Variants in MFN2 observed in about 807,000 individuals in gnomAD.
The protein encoded by MFN2 is mitofusin-2.
MFN2 carries 43 observed loss-of-function variants against 87.5 expected under a neutral mutation model. That is an observed-to-expected ratio of 0.49 (90% CI 0.38 to 0.63). The LOEUF is 0.63. Among genes scored for constraint, MFN2 ranks in the 30% least tolerant of loss-of-function variants. The pLI is 0.00. For missense variants in MFN2, 743 were observed against 972.8 expected (o/e 0.76, Z 3.14); for synonymous variants, 337 against 359.9 (o/e 0.94, Z 0.72).
At chr1:11,991,155 GT>G (rs955171472) in intron 3 of MFN2, among the ~76,000 whole-genome samples, 1 of 152,240 alleles carries the variant, frequency 6.6e-6, no homozygotes, top group Non-Finnish European at 1.5e-5. Flanking sequence ...CCATCTGCCT[GT>G]TAAGGGCACT....
At chr1:11,981,817 C>T (rs1645989927) in intron 1 of MFN2, 153 bp from the exon 2 acceptor site, 1 of 152,240 alleles carries the variant, frequency 6.6e-6, no homozygotes, top group Non-Finnish European at 1.5e-5. Flanking sequence ...CAGGGCACTT[C>T]CTCACATGCC....
intron 3 of MFN2, among the ~76,000 whole-genome samples, chr1:11,991,586 C>T (rs1301601266): frequency 6.6e-6 from 1 of 152,048 alleles, no homozygotes; most frequent in East Asian, 1.9e-4. Context: ...CGTGAGGCAG[C>T]GGGTGGCAAG....
chr1:12,004,605 T>C lies in MFN2; in HGVS notation c.1384T>C (p.Tyr462His). 2 of 1,613,986 alleles carry C rather than the reference T, an allele frequency of 1.2e-6. No individual in the cohort carries two copies. Among genetic ancestry groups the C allele is most frequent in the Non-Finnish European group, 1.7e-6 (2 of 1,179,878 alleles). The change falls in exon 13 of 19, where the codon TAT (tyrosine) becomes CAT (histidine). Residue 462 changes from tyrosine (Y) to histidine (H), a missense_variant. Tyr to His is a moderately conservative substitution (Grantham distance 83, BLOSUM62 2). Transcript: ENST00000235329. This position sits in a 1 kb window ranked among gnomAD's most constrained non-coding sequence, Gnocchi z 4.2. The stretch of plus-strand genomic sequence containing the variant: ...CCCTTCTCCAGTAGTCCTCAAGGTT[T>C]ATAAGAATGTGAGTCATGGAGCAAC... ...FHPSPVVLKV[Y>H]KNELHRHIEE...
intron 3 of MFN2, 64 bp from the exon 4 acceptor site, chr1:11,992,491 C>T (rs958533870): frequency 1.4e-4 from 218 of 1,609,646 alleles, no homozygotes; most frequent in Non-Finnish European, 1.8e-4. Flanking sequence ...TCTGGCCCTT[C>T]CAGACTTGGG....
At chr1:12,009,192 AAG>A (rs1453562006) in intron 17 of MFN2, among the ~76,000 whole-genome samples, 3 of 152,026 alleles carry the variant, frequency 2.0e-5, no homozygotes, top group East Asian at 1.9e-4. Context: ...AGACCGTGGA[AAG>A]AGAGGGAGAG....
chr1:11,995,642 TAAA>T (rs796776648), intron 4 of MFN2, among the ~76,000 whole-genome samples: 2 of 141,518 alleles, frequency 1.4e-5, no homozygotes, highest in African/African-American at 5.2e-5. Context: ...CAAATAACAA[TAAA>T]AAAAAAAAGA....
chr1:12,012,664 C>T lies in MFN2; in HGVS notation c.*1099C>T, dbSNP rs1337146882. 1 of 152,308 alleles carries T rather than the reference C, an allele frequency of 6.6e-6. No homozygotes were observed. The highest frequency in any genetic ancestry group is 1.5e-5 in the Non-Finnish European group (1 of 68,140). The allele number at this position is 152,308 out of a possible 1,614,324, so 9.4% of individuals were successfully genotyped here. A position where few individuals can be genotyped will look rare whatever the true frequency, so the allele number is the denominator to read the frequency against. ...CCAGTGACTGCAGTTGGCCAAGGGA[C>T]AATGTGGAAAACCCAGTGTCCATCT... On this transcript the variant is annotated 3_prime_UTR_variant, in exon 19 of 19. Transcript: ENST00000235329.
At position 12,004,384 on chromosome 1, in the gene MFN2, A is replaced by G. The variant is rs1639309755; in HGVS notation, c.1288-125A>G. The G allele has an allele frequency of 2.1e-6, 2 of 970,526 alleles. No individual in the cohort carries two copies. Among genetic ancestry groups the G allele is most frequent in the Admixed American group, 1.7e-5 (1 of 58,820 alleles). The allele number at this position is 970,526 out of a possible 1,614,324, so 60.1% of individuals were successfully genotyped here. A position where few individuals can be genotyped will look rare whatever the true frequency, so the allele number is the denominator to read the frequency against. On this transcript the variant is annotated intron_variant, in intron 12 of 18. Transcript: ENST00000235329. This position sits in a 1 kb window ranked among gnomAD's most constrained non-coding sequence, Gnocchi z 4.2. ...CTCACTTCAGAGGCTTTAATTCCAT[A>G]GAGGAGCTGAGGAGGCTGCTGGTTT...
chr1:12,001,680 T>A, intron 9 of MFN2, 89 bp from the exon 10 acceptor site: 1 of 1,596,944 alleles, frequency 6.3e-7, no homozygotes. Flanking sequence ...AGGCTCTTGC[T>A]CTTTAGCCAG....
Position 11,999,033 on chromosome 1 carries a change from A to G in MFN2, c.754A>G (p.Asn252Asp). ...GGTGAGTGAGCGTCTCTCCCGGCCA[A>G]ACATCTTCATCCTGAACAACCGCTG... ...HKVSERLSRPNIFILNNRWDA... is the reference protein window; with the variant it reads ...HKVSERLSRPDIFILNNRWDA... The change falls in exon 8 of 19, where the codon AAC (asparagine) becomes GAC (aspartate). Residue 252 changes from asparagine to aspartate, a missense_variant. Around this residue, in one of 3 missense-constraint regions of MFN2, gnomAD observed 571 missense variants for 670.7 expected, o/e 0.85. Transcript: ENST00000235329. 3 of 1,614,142 alleles carry G rather than the reference A, an allele frequency of 1.9e-6. No individual in the cohort carries two copies. Among genetic ancestry groups the G allele is most frequent in the East Asian group, 4.5e-5 (2 of 44,884 alleles).
At chr1:12,010,215 G>A in intron 18 of MFN2, among the ~76,000 whole-genome samples, 2 of 152,188 alleles carry the variant, frequency 1.3e-5, no homozygotes, top group East Asian at 3.9e-4. Context: ...GGTGCTGGAG[G>A]CTCAACAAGA....
At position 12,007,085 on chromosome 1, in the gene MFN2, C is replaced by T. The variant is rs1439368528; in HGVS notation, c.1905C>T (p.Ala635=). 2 of 1,613,938 alleles carry T rather than the reference C, an allele frequency of 1.2e-6. No individual in the cohort carries two copies. The highest frequency in any genetic ancestry group is 2.2e-5 in the East Asian group (1 of 44,902). ...AGGCAGTGGGCTGGCGGCTCATTGC[C>T]CTCTCCTTTGGGCTCTATGGCCTCC... ...VWKAVGWRLI[A]LSFGLYGLLY... is the part of the protein sequence containing the mutation. The change falls in exon 17 of 19, where the codon GCC becomes GCT. Residue 635 remains alanine (A), a synonymous_variant. Coordinates refer to ENST00000235329, the MANE Select transcript of MFN2 (RefSeq NM_014874.4).
intron 1 of MFN2, among the ~76,000 whole-genome samples, chr1:11,981,632 G>T (rs573106081): frequency 1.3e-5 from 2 of 152,372 alleles, no homozygotes; most frequent in Middle Eastern, 3.4e-3. Context: ...ATAGTCAGCT[G>T]TTCCACAGTC....
intron 18 of MFN2, 141 bp from the exon 19 acceptor site, chr1:12,011,355 T>A (rs776908092): frequency 4.2e-5 from 37 of 885,122 alleles, no homozygotes; most frequent in Non-Finnish European, 6.5e-5. Context: ...CTTTTCCCCA[T>A]CTGTGAGACA....
chr1:11,987,038 G>C lies in MFN2; in HGVS notation c.-4-2127G>C, dbSNP rs796594640. On this transcript the variant is annotated intron_variant, in intron 2 of 18. Coordinates refer to ENST00000235329, the MANE Select transcript of MFN2 (RefSeq NM_014874.4). ...AGACTGTGATAATATGGCTGGGTAC[G>C]GTGGCTCACGCCTGTATTCCCAGCA... Among the ~76,000 whole-genome samples, 7 of 152,314 alleles carry C rather than the reference G, an allele frequency of 4.6e-5. 1 individual carries two copies. The East Asian group carries it at 7.7e-4, about 17-fold the overall frequency.
At chr1:12,008,624 A>G (rs1639545411) in intron 17 of MFN2, among the ~76,000 whole-genome samples, 1 of 150,364 alleles carries the variant, frequency 6.7e-6, no homozygotes, top group African/African-American at 2.5e-5. Context: ...GTGGCTGGGC[A>G]GAGGCGCTCC....
chr1:12,002,958 C>T (rs1442523567), intron 11 of MFN2, among the ~76,000 whole-genome samples: 1 of 152,144 alleles, frequency 6.6e-6, no homozygotes, highest in East Asian at 1.9e-4. Flanking sequence ...CTGTACCTGG[C>T]TTTGCTTTCT....
rs775483521 is a variant in MFN2, at chr1:12,004,041, A to G, written c.1210A>G (p.Ile404Val). The G allele has an allele frequency of 9.3e-6, 15 of 1,614,072 alleles. No homozygotes were observed. Among genetic ancestry groups the G allele is most frequent in the Non-Finnish European group, 1.2e-5 (14 of 1,180,040 alleles). Residue 404 changes from isoleucine (I) to valine (V), a missense_variant, in exon 12 of 19, where the codon ATT becomes GTT. Around this residue, in one of 3 missense-constraint regions of MFN2, gnomAD observed 571 missense variants for 670.7 expected, o/e 0.85. Transcript: ENST00000235329. The surrounding 1 kb of genome is among the most constrained non-coding windows in gnomAD (Gnocchi z 4.2). ...AGAGCGGCAAGACCGACTGAAATTT[A>G]TTGACAAACAGCTGGAGCTCTTGGC... The part of the protein sequence containing the change: ...REERQDRLKF[I>V]DKQLELLAQD...
intron 1 of MFN2, among the ~76,000 whole-genome samples, chr1:11,981,305 G>A (rs760857912): frequency 3.3e-5 from 5 of 152,198 alleles, no homozygotes; most frequent in Non-Finnish European, 1.5e-5. Context: ...AGGAGTTGGA[G>A]ACCAGCCTGG....
Sources: gnomAD v4.1 joint callset for allele counts (sites outside exome capture counted in the v4.1 genomes callset) on GRCh38, gnomAD v4.1.1 for gene constraint, gnomAD v4.1.1 regional missense constraint, Gnocchi (gnomAD v3.1) non-coding constraint, MANE v1.5 for transcripts, NCBI Gene and HGNC (gene_info 2026-07-23, HGNC 2026-07-21) for gene names.